Variants in CYB5R4 observed in about 807,000 individuals in gnomAD.
CYB5R4 encodes cytochrome b5 reductase 4, also known as N-terminal cytochrome b5 and cytochrome b5 oxidoreductase domain-containing protein.
A neutral mutation model predicts 70.2 loss-of-function variants in CYB5R4; 55 were observed. The observed-to-expected ratio is 0.78, with a 90% CI of 0.63 to 0.98. The LOEUF is 0.98. Among genes scored for constraint, CYB5R4 ranks in the 50% least tolerant of loss-of-function variants. The pLI is 0.00. For synonymous variants in CYB5R4, 197 were observed against 199.5 expected (o/e 0.99, Z 0.11); for missense variants, 562 against 612.6 (o/e 0.92, Z 0.87).
chr6:83,930,330 C>T (rs2099467961), intron 10 of CYB5R4, among the ~76,000 whole-genome samples: 1 of 152,178 alleles, frequency 6.6e-6, no homozygotes, highest in Non-Finnish European at 1.5e-5. Context: ...AGTAGAACTG[C>T]TTTCAAAATT....
At chr6:83,876,064 C>T (rs1045676723) in intron 2 of CYB5R4, among the ~76,000 whole-genome samples, 1 of 152,086 alleles carries the variant, frequency 6.6e-6, no homozygotes, top group African/African-American at 2.4e-5. Flanking sequence ...TGAGGGACTT[C>T]CATGTTTCGT....
Position 83,966,407 on chromosome 6 carries a change from G to A in CYB5R4, c.*6529G>A, listed in dbSNP as rs1249919204. On this transcript the variant is annotated 3_prime_UTR_variant, in exon 16 of 16. Transcript: ENST00000369681. ...TCTTTAAAAAAATAAAAATAAAAAG[G>A]AGGCCTGTGTGCGGTGGCTCATGCC... 2 of 151,962 alleles carry A rather than the reference G, an allele frequency of 1.3e-5. No individual in the cohort carries two copies. The highest frequency in any genetic ancestry group is 2.9e-5 in the Non-Finnish European group (2 of 67,984). 9.4% of individuals were successfully genotyped at this position (151,962 alleles called of 1,614,324 possible).
At chr6:83,878,994 CA>C (rs2099459031) in intron 2 of CYB5R4, among the ~76,000 whole-genome samples, 2 of 152,080 alleles carry the variant, frequency 1.3e-5, no homozygotes, top group Non-Finnish European at 2.9e-5. Context: ...TCCCCCTCTC[CA>C]AAAGGCAGTG....
intron 3 of CYB5R4, among the ~76,000 whole-genome samples, chr6:83,907,451 T>A (rs888072572): frequency 6.6e-6 from 1 of 151,352 alleles, no homozygotes; most frequent in Non-Finnish European, 1.5e-5. Flanking sequence ...GCAGTTCTTA[T>A]AAATGGCCCT....
At chr6:83,923,218 A>G (rs2099466700) in intron 9 of CYB5R4, among the ~76,000 whole-genome samples, 2 of 152,174 alleles carry the variant, frequency 1.3e-5, no homozygotes, top group Non-Finnish European at 2.9e-5. Flanking sequence ...GCATATAAAC[A>G]TGCAGCGTAG....
chr6:83,876,428 T>G (rs1341592485), intron 2 of CYB5R4, among the ~76,000 whole-genome samples: 1 of 152,098 alleles, frequency 6.6e-6, no homozygotes, highest in Non-Finnish European at 1.5e-5. Flanking sequence ...ATTCATCCAT[T>G]GTTGACATAG....
intron 10 of CYB5R4, among the ~76,000 whole-genome samples, chr6:83,926,026 A>C (rs1445420471): frequency 6.6e-6 from 1 of 152,174 alleles, no homozygotes; most frequent in Non-Finnish European, 1.5e-5. Context: ...TTCTCACTGT[A>C]TAACTTCTGT....
chr6:83,907,464 AT>A (rs369357375), intron 3 of CYB5R4, among the ~76,000 whole-genome samples: 2,130 of 145,516 alleles, frequency 0.015, 47 homozygotes, highest in African/African-American at 0.054. Context: ...ATGGCCCTTC[AT>A]TTTTTTTGTT....
rs1478783661 is a variant in CYB5R4 at position 83,960,120 on chromosome 6, T to C, written c.*242T>C. On this transcript the variant is annotated 3_prime_UTR_variant, in exon 16 of 16. Coordinates refer to ENST00000369681, the MANE Select transcript of CYB5R4 (RefSeq NM_016230.4). ...ATCATGGCAACAAATACATACAGGA[T>C]TCTTTGTTATGAATCACAAATTTCC... 2 of 329,958 alleles carry C rather than the reference T, an allele frequency of 6.1e-6. No homozygotes were observed. Among genetic ancestry groups the C allele is most frequent in the Non-Finnish European group, 5.5e-6 (1 of 183,266 alleles). The allele number at this position is 329,958 out of a possible 1,614,324, so 20.4% of individuals were successfully genotyped here.
intron 2 of CYB5R4, among the ~76,000 whole-genome samples, chr6:83,871,071 G>A (rs2099457547): frequency 6.7e-6 from 1 of 149,562 alleles, no homozygotes; most frequent in Non-Finnish European, 1.5e-5. Flanking sequence ...CCGTCTCCCG[G>A]GTTCAAGCGA....
At chr6:83,871,583 A>T (rs1477328455) in intron 2 of CYB5R4, among the ~76,000 whole-genome samples, 2 of 152,218 alleles carry the variant, frequency 1.3e-5, no homozygotes. Flanking sequence ...TTTGGTTGAC[A>T]CAGTGGTTTA....
rs371113555 is a variant in CYB5R4 at position 83,909,564 on chromosome 6, A to T, written c.412+474A>T. Among the ~76,000 whole-genome samples, 3 of 152,138 alleles carry T rather than the reference A, an allele frequency of 2.0e-5. No individual in the cohort carries two copies. In the East Asian group the frequency reaches 5.8e-4, roughly 29 times the overall value. ...CCCCTAGCTCTGAGATGGAAGAGGG[A>T]TTTAGAGCAGTTTAAAAGTGAAGAT... On this transcript the variant is annotated intron_variant, in intron 4 of 15. Coordinates refer to ENST00000369681, the MANE Select transcript of CYB5R4 (RefSeq NM_016230.4).
intron 13 of CYB5R4, 69 bp from the exon 14 acceptor site, chr6:83,940,446 G>A: frequency 7.1e-7 from 1 of 1,402,712 alleles, no homozygotes. Flanking sequence ...GTTCACTTTA[G>A]ACTTTCCATT....
chr6:83,957,622 CAA>C (rs34196225), intron 15 of CYB5R4, among the ~76,000 whole-genome samples: 114 of 66,894 alleles, frequency 1.7e-3, no homozygotes, highest in African/African-American at 4.7e-3. Context: ...AACTCTGTCT[CAA>C]AAAAAAAAAA....
intron 10 of CYB5R4, among the ~76,000 whole-genome samples, chr6:83,930,437 CT>C (rs1166767832): frequency 6.6e-6 from 1 of 152,186 alleles, no homozygotes; most frequent in Non-Finnish European, 1.5e-5. Context: ...TTCACAGCAT[CT>C]TTGCCAGGAG....
chr6:83,893,836 G>A (rs1437230388), intron 3 of CYB5R4, among the ~76,000 whole-genome samples: 1 of 152,164 alleles, frequency 6.6e-6, no homozygotes, highest in Non-Finnish European at 1.5e-5. Context: ...TCTGCGACTA[G>A]GGGTCTTCTT....
chr6:83,939,466 A>G (rs1379287115), intron 12 of CYB5R4, among the ~76,000 whole-genome samples: 1 of 152,138 alleles, frequency 6.6e-6, no homozygotes, highest in Non-Finnish European at 1.5e-5. Flanking sequence ...CTTTGTTTTT[A>G]TGGGAATTAA....
intron 2 of CYB5R4, among the ~76,000 whole-genome samples, chr6:83,876,300 G>A (rs962090457): frequency 1.8e-4 from 28 of 152,026 alleles, no homozygotes; most frequent in African/African-American, 6.5e-4. Context: ...ATTTCTTAAG[G>A]GTCATTTTTG....
chr6:83,919,794 G>A (rs983666973), intron 7 of CYB5R4, among the ~76,000 whole-genome samples: 2 of 150,486 alleles, frequency 1.3e-5, no homozygotes, highest in African/African-American at 4.9e-5. Flanking sequence ...GTGTGTGTGT[G>A]TGTGTGTAAA....
Sources: gnomAD v4.1 joint callset for allele counts (sites outside exome capture counted in the v4.1 genomes callset) on GRCh38, gnomAD v4.1.1 for gene constraint, MANE v1.5 for transcripts, NCBI Gene and HGNC (gene_info 2026-07-23, HGNC 2026-07-21) for gene names.